Variants in KCND2 observed in about 807,000 individuals in gnomAD.
The protein encoded by KCND2 is potassium voltage-gated channel subfamily D member 2.
Under a neutral mutation model 54.4 loss-of-function variants are expected in KCND2, and 16 were observed. That is an observed-to-expected ratio of 0.29 (90% CI 0.20 to 0.45). KCND2 has a LOEUF of 0.45. Among genes scored for constraint, KCND2 ranks in the 20% least tolerant of loss-of-function variants. The pLI is 1.00. For synonymous variants in KCND2, 317 were observed against 310.7 expected (o/e 1.02, Z -0.21); for missense variants, 486 against 824.2 (o/e 0.59, Z 5.02).
intron 1 of KCND2, among the ~76,000 whole-genome samples, chr7:120,333,703 T>C (rs117263397): frequency 0.01 from 1,539 of 152,200 alleles, 18 homozygotes; most frequent in Non-Finnish European, 0.017. Flanking sequence ...ATACTATTAT[T>C]TTGATCAAAA....
intron 4 of KCND2, 25 bp downstream of exon 4, chr7:120,742,627 C>G: frequency 1.3e-6 from 2 of 1,545,036 alleles, no homozygotes; most frequent in Non-Finnish European, 1.8e-6. Flanking sequence ...TGACTGCCTT[C>G]CCTTGCTCTC....
At chr7:120,523,784 T>C (rs1298317101) in intron 1 of KCND2, among the ~76,000 whole-genome samples, 1 of 148,716 alleles carries the variant, frequency 6.7e-6, no homozygotes, top group African/African-American at 2.5e-5. Flanking sequence ...ATTTGTTATA[T>C]ATGTGTGTAT....
intron 1 of KCND2, among the ~76,000 whole-genome samples, chr7:120,379,794 G>T (rs1800888930): frequency 6.6e-6 from 1 of 152,028 alleles, no homozygotes; most frequent in Non-Finnish European, 1.5e-5. Flanking sequence ...CCAACTGAAA[G>T]ACTCCTGTCT....
In KCND2 at chr7:120,275,108, A is replaced by C; in HGVS notation, c.476A>C (p.Glu159Ala). Residue 159 changes from glutamate (E) to alanine (A), a missense_variant, in exon 1 of 6, where the codon GAG (glutamate) becomes GCG (alanine). Around this residue, in one of 7 missense-constraint regions of KCND2, gnomAD observed 231 missense variants for 386.0 expected, o/e 0.60. Transcript: ENST00000331113. ...QDDADTDTAG[E>A]SALPTMTARQ... is the part of the protein sequence containing the mutation. ...GACGCGGATACCGACACCGCTGGGGAGAGCGCCTTGCCCACCATGACTGCA... is the reference window on the plus strand; with the variant it reads ...GACGCGGATACCGACACCGCTGGGGCGAGCGCCTTGCCCACCATGACTGCA... 6.2e-7 allele frequency: 1 copy of C among 1,613,624 alleles called. No individual in the cohort carries two copies. Among genetic ancestry groups the C allele is most frequent in the Admixed American group, 1.7e-5 (1 of 60,016 alleles).
intron 1 of KCND2, among the ~76,000 whole-genome samples, chr7:120,531,517 C>T (rs191090828): frequency 6.6e-6 from 1 of 152,008 alleles, no homozygotes; most frequent in East Asian, 1.9e-4. Context: ...TAGAAAAGAC[C>T]TCCTCAAATA....
chr7:120,584,768 G>A (rs963165937), intron 1 of KCND2, among the ~76,000 whole-genome samples: 2 of 152,126 alleles, frequency 1.3e-5, no homozygotes, highest in East Asian at 1.9e-4. Context: ...ACGCATGCGC[G>A]TGCACACACA....
At chr7:120,658,249 C>T (rs1475404680) in intron 1 of KCND2, among the ~76,000 whole-genome samples, 1 of 152,112 alleles carries the variant, frequency 6.6e-6, no homozygotes, top group Non-Finnish European at 1.5e-5. Flanking sequence ...TTGAGTCTCC[C>T]CTGTTCCTGC....
intron 2 of KCND2, among the ~76,000 whole-genome samples, chr7:120,735,055 T>A (rs556797084): frequency 1.3e-5 from 2 of 152,128 alleles, no homozygotes; most frequent in Non-Finnish European, 2.9e-5. Flanking sequence ...AATCACTTTT[T>A]CAAGCTCTGT....
chr7:120,282,684 T>C (rs1387471294), intron 1 of KCND2, among the ~76,000 whole-genome samples: 1 of 152,146 alleles, frequency 6.6e-6, no homozygotes, highest in Admixed American at 6.6e-5. Context: ...TAAAAGGTCT[T>C]GTCTTTTTTG....
chr7:120,709,421 T>A (rs1181788289), intron 1 of KCND2, among the ~76,000 whole-genome samples: 1 of 152,182 alleles, frequency 6.6e-6, no homozygotes, highest in Non-Finnish European at 1.5e-5. Context: ...ACCAGAACAG[T>A]AGAAACACTG....
In KCND2 at chr7:120,321,765, G is replaced by C. The variant is rs146221256; in HGVS notation, c.1115+46018G>C. Among the ~76,000 whole-genome samples, 577 of 152,084 alleles carry C rather than the reference G, an allele frequency of 3.8e-3. 2 individuals carry two copies. Among genetic ancestry groups the C allele is most frequent in the Non-Finnish European group, 5.9e-3 (401 of 67,988 alleles). ...TCTTTTTATGTCCAACACGCTTGCTGTTCCATATTTCATGATTAAGTCTTT... is the reference window on the plus strand; with the variant it reads ...TCTTTTTATGTCCAACACGCTTGCTCTTCCATATTTCATGATTAAGTCTTT... On this transcript the variant is annotated intron_variant, in intron 1 of 5. Transcript: ENST00000331113.
intron 1 of KCND2, among the ~76,000 whole-genome samples, chr7:120,512,815 T>C (rs567374850): frequency 4.6e-5 from 7 of 151,074 alleles, no homozygotes; most frequent in Non-Finnish European, 7.4e-5. Context: ...TTTTTTTTTT[T>C]TGGAGACAGA....
chr7:120,629,816 T>C (rs972628342), intron 1 of KCND2, among the ~76,000 whole-genome samples: 11 of 151,800 alleles, frequency 7.2e-5, no homozygotes, highest in African/African-American at 2.7e-4. Context: ...GGGATGCTTT[T>C]AAAGTTTTTA....
chr7:120,548,213 C>A (rs1792065978), intron 1 of KCND2, among the ~76,000 whole-genome samples: 1 of 152,028 alleles, frequency 6.6e-6, no homozygotes, highest in Admixed American at 6.6e-5. Context: ...TAGGAAAAAT[C>A]TAGAGATGTG....
At chr7:120,407,552 C>G (rs1032536701) in intron 1 of KCND2, among the ~76,000 whole-genome samples, 2 of 151,880 alleles carry the variant, frequency 1.3e-5, no homozygotes, top group African/African-American at 4.8e-5. Context: ...ATATACTCTC[C>G]TTTCTGTGCC....
At chr7:120,613,487 C>T (rs368181286) in intron 1 of KCND2, among the ~76,000 whole-genome samples, 77 of 152,184 alleles carry the variant, frequency 5.1e-4, no homozygotes, top group Middle Eastern at 6.8e-3. Context: ...GCCGAGATTG[C>T]GCCACTGCTC....
chr7:120,490,854 C>A, intron 1 of KCND2, among the ~76,000 whole-genome samples: 1 of 152,132 alleles, frequency 6.6e-6, no homozygotes, highest in Non-Finnish European at 1.5e-5. Flanking sequence ...GCACCTGGTA[C>A]AAAATTCCTG....
chr7:120,604,504 AAATAACAAT>A (rs765390701), intron 1 of KCND2, among the ~76,000 whole-genome samples: 14 of 82,692 alleles, frequency 1.7e-4, no homozygotes, highest in South Asian at 5.4e-4. Context: ...CTCCATCTAA[AAATAACAAT>A]AATAATAATA....
chr7:120,318,191 A>G (rs1005158088), intron 1 of KCND2, among the ~76,000 whole-genome samples: 2 of 152,174 alleles, frequency 1.3e-5, no homozygotes, highest in Non-Finnish European at 2.9e-5. Context: ...GTTAGAATGC[A>G]CAAGAGAAAA....
Sources: gnomAD v4.1 joint callset for allele counts (sites outside exome capture counted in the v4.1 genomes callset) on GRCh38, gnomAD v4.1.1 for gene constraint, gnomAD v4.1.1 regional missense constraint, MANE v1.5 for transcripts, NCBI Gene and HGNC (gene_info 2026-07-23, HGNC 2026-07-21) for gene names.